Variants in TMC1 observed in about 807,000 individuals in gnomAD.
TMC1 encodes transmembrane channel like 1.
TMC1 carries 84 observed loss-of-function variants against 105.8 expected under a neutral mutation model. The observed-to-expected ratio is 0.79, with a 90% CI of 0.67 to 0.95. The LOEUF (loss-of-function observed/expected upper bound fraction) is 0.95, where lower values mean the gene tolerates loss of function less well. TMC1 is among the 40% of genes least tolerant of loss of function. The pLI is 0.00. For synonymous variants in TMC1, 315 were observed against 311.5 expected, an observed-to-expected ratio of 1.01 and a Z score of -0.12; for missense variants, 817 against 914.1, an observed-to-expected ratio of 0.89 and a Z score of 1.37.
At chr9:72,832,024 C>A (rs987452537) in intron 23 of TMC1, among the ~76,000 whole-genome samples, 1 of 151,548 alleles carries the variant, frequency 6.6e-6, no homozygotes, top group African/African-American at 2.4e-5. Flanking sequence ...GGTATGATCT[C>A]GGCTCACTGC....
intron 8 of TMC1, among the ~76,000 whole-genome samples, chr9:72,704,035 A>G (rs1826689218): frequency 1.3e-5 from 2 of 152,198 alleles, no homozygotes; most frequent in South Asian, 4.1e-4. Flanking sequence ...ACAAGTGGTC[A>G]GTACTTCACA....
chr9:72,562,658 A>G (rs1207568815), intron 1 of TMC1, among the ~76,000 whole-genome samples: 1 of 152,230 alleles, frequency 6.6e-6, no homozygotes, highest in Non-Finnish European at 1.5e-5. Flanking sequence ...TATCCCATAC[A>G]TATATACAAT....
intron 8 of TMC1, among the ~76,000 whole-genome samples, chr9:72,733,086 A>G (rs1827241106): frequency 6.6e-6 from 1 of 152,166 alleles, no homozygotes; most frequent in Non-Finnish European, 1.5e-5. Context: ...AGAATTTAAT[A>G]CGATGTTGTC....
intron 5 of TMC1, among the ~76,000 whole-genome samples, chr9:72,649,380 A>G (rs1249835644): frequency 6.6e-6 from 1 of 152,196 alleles, no homozygotes; most frequent in Non-Finnish European, 1.5e-5. Flanking sequence ...CTGGACACAC[A>G]CATTTGCTTT....
chr9:72,524,878 A>ATGTGT (rs1204728073), intron 1 of TMC1, among the ~76,000 whole-genome samples: 1 of 152,178 alleles, frequency 6.6e-6, no homozygotes, highest in South Asian at 2.1e-4. Flanking sequence ...AGATGTTTGG[A>ATGTGT]ATCCTATGTG....
chr9:72,650,903 A>ATAT (rs1825801321), intron 5 of TMC1, among the ~76,000 whole-genome samples: 6 of 126,732 alleles, frequency 4.7e-5, no homozygotes, highest in African/African-American at 6.1e-5. Context: ...TATATATATA[A>ATAT]ATATATATAG....
chr9:72,826,870 G>A lies in TMC1; in HGVS notation c.2005G>A (p.Gly669Ser). The A allele has an allele frequency of 6.2e-7, 1 of 1,613,864 alleles. No homozygotes were observed. The highest frequency in any genetic ancestry group is 8.5e-7 in the Non-Finnish European group (1 of 1,179,810). Residue 669 changes from glycine to serine, a missense_variant and splice_region_variant, in exon 21 of 24, where the codon GGC becomes AGC. Physicochemically the swap from Gly to Ser is moderately conservative, Grantham distance 56 (BLOSUM62 0). Coordinates refer to ENST00000297784, the MANE Select transcript of TMC1 (RefSeq NM_138691.3). ...PPSFDCGPFS[G>S]KNRMFEVIGE... is the part of the protein sequence containing the mutation. ...TCTCCCCCTTTTTAATTCCCCCAGT[G>A]GCAAAAATAGAATGTTTGAAGTCAT...
intron 17 of TMC1, among the ~76,000 whole-genome samples, chr9:72,803,369 A>C (rs1160598551): frequency 1.3e-5 from 2 of 152,234 alleles, no homozygotes; most frequent in Non-Finnish European, 2.9e-5. Flanking sequence ...AACAAAAACA[A>C]AAATTGACAA....
intron 2 of TMC1, among the ~76,000 whole-genome samples, chr9:72,593,667 C>T (rs1056542337): frequency 8.6e-5 from 13 of 151,130 alleles, no homozygotes; most frequent in African/African-American, 2.4e-4. Flanking sequence ...GCTGGGATTA[C>T]AGGCATGAGC....
intron 1 of TMC1, among the ~76,000 whole-genome samples, chr9:72,572,201 AT>A (rs531142730): frequency 3.7e-3 from 501 of 134,550 alleles, no homozygotes; most frequent in African/African-American, 4.8e-3. Context: ...TTATTTTTTG[AT>A]TTTTTTTTTT....
intron 12 of TMC1, among the ~76,000 whole-genome samples, chr9:72,758,035 A>G (rs1397957925): frequency 6.6e-6 from 1 of 152,252 alleles, no homozygotes; most frequent in Non-Finnish European, 1.5e-5. Context: ...AAGCAATAGG[A>G]TTATATAGTC....
intron 8 of TMC1, among the ~76,000 whole-genome samples, chr9:72,739,466 T>A (rs1439433464): frequency 6.6e-6 from 1 of 152,256 alleles, no homozygotes; most frequent in Non-Finnish European, 1.5e-5. Context: ...TGTTTTTTAT[T>A]ATGCATACCA....
intron 1 of TMC1, among the ~76,000 whole-genome samples, chr9:72,542,458 T>C (rs1169193431): frequency 6.6e-6 from 1 of 151,456 alleles, no homozygotes; most frequent in Non-Finnish European, 1.5e-5. Flanking sequence ...AGACTCTGTC[T>C]CAAAATAAAC....
At chr9:72,536,008 G>C (rs182913750) in intron 1 of TMC1, among the ~76,000 whole-genome samples, 13 of 152,210 alleles carry the variant, frequency 8.5e-5, no homozygotes, top group East Asian at 1.9e-4. Flanking sequence ...TTTGAAGGGG[G>C]GACAAACATC....
At chr9:72,583,133 A>G (rs1824499577) in intron 2 of TMC1, among the ~76,000 whole-genome samples, 2 of 152,134 alleles carry the variant, frequency 1.3e-5, no homozygotes, top group African/African-American at 4.8e-5. Context: ...GAGGTAGGAG[A>G]ATCACTTGAA....
chr9:72,650,581 A>G (rs1393918194), intron 5 of TMC1, among the ~76,000 whole-genome samples: 1 of 151,854 alleles, frequency 6.6e-6, no homozygotes, highest in Non-Finnish European at 1.5e-5. Context: ...TTTGTTGTGC[A>G]TATTATTTCA....
rs1434200477 is a variant in TMC1, at chr9:72,610,939, G to A, written c.-305-5429G>A. On this transcript the variant is annotated intron_variant, in intron 2 of 23. Transcript: ENST00000297784. ...GTTAATTTTCTCATCCAGAGTGGTG[G>A]TATCGAGCTAGAAAATTGTGAAGAT... Among the ~76,000 whole-genome samples the A allele has an allele frequency of 2.0e-4, 31 of 152,198 alleles. 1 individual carries two copies. The highest frequency in any genetic ancestry group is 2.0e-3 in the Admixed American group (31 of 15,282).
intron 10 of TMC1, among the ~76,000 whole-genome samples, chr9:72,747,141 C>T (rs1827502763): frequency 6.6e-6 from 1 of 151,886 alleles, no homozygotes; most frequent in African/African-American, 2.4e-5. Flanking sequence ...TATTTTTTTT[C>T]AGACAGGAAA....
intron 1 of TMC1, among the ~76,000 whole-genome samples, chr9:72,531,934 T>G (rs959374624): frequency 6.6e-6 from 1 of 152,074 alleles, no homozygotes; most frequent in African/African-American, 2.4e-5. Context: ...CATCTTTTAT[T>G]TTTATTTATT....
Sources: allele counts gnomAD v4.1 joint callset (sites outside exome capture counted in the v4.1 genomes callset), GRCh38; gene constraint gnomAD v4.1.1; transcripts MANE v1.5; gene names NCBI Gene and HGNC (gene_info 2026-07-23, HGNC 2026-07-21).